Variants in TMEM117 observed in about 807,000 individuals in gnomAD.
TMEM117 encodes transmembrane protein 117.
In TMEM117, 27 loss-of-function variants were observed where a neutral mutation model predicts 52.4. The observed-to-expected ratio is 0.51, with a 90% CI of 0.38 to 0.71. The LOEUF (loss-of-function observed/expected upper bound fraction) is 0.71, where lower values mean the gene tolerates loss of function less well. Ranked by LOEUF, TMEM117 falls within the 30% of genes least tolerant of loss-of-function variation. The probability of loss-of-function intolerance (pLI) is 0.00; values close to 1 mark genes in which losing one functional copy is unlikely to be tolerated. For missense variants in TMEM117, 556 were observed against 630.5 expected (o/e 0.88, Z 1.26); for synonymous variants, 215 against 206.3 (o/e 1.04, Z -0.36).
At chr12:44,037,705 T>A (rs1946732640) in intron 3 of TMEM117, among the ~76,000 whole-genome samples, 1 of 152,082 alleles carries the variant, frequency 6.6e-6, no homozygotes, top group African/African-American at 2.4e-5. Context: ...AACTCTGAAC[T>A]CAGCCAGACT....
intron 3 of TMEM117, among the ~76,000 whole-genome samples, chr12:44,035,130 T>C (rs535406471): frequency 4.9e-4 from 75 of 152,324 alleles, no homozygotes; most frequent in African/African-American, 1.8e-3. Context: ...GTGGGACTTC[T>C]CAGGCTTCAT....
chr12:44,303,113 G>A (rs139355051), intron 6 of TMEM117, among the ~76,000 whole-genome samples: 7,129 of 151,608 alleles, frequency 0.047, 346 homozygotes, highest in African/African-American at 0.12. Context: ...GCGTGATCTC[G>A]GCTCACTGCA....
chr12:44,311,156 C>T (rs1375941207), intron 6 of TMEM117, among the ~76,000 whole-genome samples: 2 of 150,754 alleles, frequency 1.3e-5, no homozygotes, highest in Non-Finnish European at 2.9e-5. Flanking sequence ...ATTCTGGATA[C>T]ATTTTTCTCA....
At chr12:44,384,632 G>T (rs945368825) in intron 7 of TMEM117, among the ~76,000 whole-genome samples, 1 of 152,116 alleles carries the variant, frequency 6.6e-6, no homozygotes, top group Admixed American at 6.5e-5. Context: ...AGTCCTCTTG[G>T]ATAACTGGTC....
At chr12:44,147,706 G>A (rs1380803591) in intron 4 of TMEM117, among the ~76,000 whole-genome samples, 1 of 152,000 alleles carries the variant, frequency 6.6e-6, no homozygotes. Flanking sequence ...AGGCTGAGAC[G>A]GGTGGATCAC....
At chr12:44,376,440 A>C (rs532425815) in intron 6 of TMEM117, 155 bp from the exon 7 acceptor site, 1 of 871,294 alleles carries the variant, frequency 1.1e-6, no homozygotes, top group Non-Finnish European at 1.9e-6. Context: ...CCTAATGTAC[A>C]TAAAATAACC....
At chr12:44,224,925 T>C (rs1949841505) in intron 5 of TMEM117, among the ~76,000 whole-genome samples, 1 of 152,026 alleles carries the variant, frequency 6.6e-6, no homozygotes. Context: ...AAGCCTGGGG[T>C]AGAGAGACCA....
intron 5 of TMEM117, among the ~76,000 whole-genome samples, chr12:44,219,381 A>C (rs901554148): frequency 1.3e-5 from 2 of 152,192 alleles, no homozygotes; most frequent in African/African-American, 2.4e-5. Flanking sequence ...TTGAGATAAC[A>C]ACTCTTTTAA....
chr12:44,031,355 T>G (rs936380882), intron 3 of TMEM117, among the ~76,000 whole-genome samples: 1 of 152,232 alleles, frequency 6.6e-6, no homozygotes, highest in Non-Finnish European at 1.5e-5. Context: ...TAGAATGTTT[T>G]GCCATCCACA....
At chr12:44,243,523 A>G (rs552970335) in intron 5 of TMEM117, among the ~76,000 whole-genome samples, 1 of 152,060 alleles carries the variant, frequency 6.6e-6, no homozygotes, top group East Asian at 1.9e-4. Context: ...AATTATATAT[A>G]TTTATGAGGT....
intron 2 of TMEM117, among the ~76,000 whole-genome samples, chr12:43,881,790 CA>C (rs58734580): frequency 4.5e-4 from 19 of 42,022 alleles, no homozygotes; most frequent in East Asian, 2.4e-3. Context: ...ACTCTTGTCT[CA>C]AAAAAAAAAA....
intron 4 of TMEM117, among the ~76,000 whole-genome samples, chr12:44,147,938 A>G (rs918278421): frequency 1.3e-5 from 2 of 150,594 alleles, no homozygotes; most frequent in African/African-American, 4.8e-5. Flanking sequence ...TCTCAAAAAA[A>G]AAAAAAAAAA....
At chr12:44,184,890 A>T (rs536618699) in intron 4 of TMEM117, among the ~76,000 whole-genome samples, 4 of 152,290 alleles carry the variant, frequency 2.6e-5, no homozygotes, top group African/African-American at 7.2e-5. Context: ...GCAATCTCAA[A>T]CATATGTAAG....
intron 4 of TMEM117, among the ~76,000 whole-genome samples, chr12:44,162,874 T>C (rs1042852159): frequency 1.3e-5 from 2 of 152,212 alleles, no homozygotes; most frequent in Middle Eastern, 3.2e-3. Context: ...AAAAATAGCC[T>C]TTTCAAGTGA....
At chr12:44,369,963 C>T (rs1951839777) in intron 6 of TMEM117, among the ~76,000 whole-genome samples, 1 of 152,140 alleles carries the variant, frequency 6.6e-6, no homozygotes, top group South Asian at 2.1e-4. Context: ...TAGGAAGTAA[C>T]CTCCTGCAAT....
intron 2 of TMEM117, among the ~76,000 whole-genome samples, chr12:43,873,092 A>C (rs927470809): frequency 1.3e-5 from 2 of 152,212 alleles, no homozygotes; most frequent in Non-Finnish European, 2.9e-5. Flanking sequence ...ATGCTTGAGG[A>C]GAGACAGAGG....
At chr12:44,106,389 A>G (rs533896491) in intron 3 of TMEM117, among the ~76,000 whole-genome samples, 1 of 152,188 alleles carries the variant, frequency 6.6e-6, no homozygotes, top group Non-Finnish European at 1.5e-5. Flanking sequence ...CTAAAATTTA[A>G]AAAAATTGAA....
intron 2 of TMEM117, among the ~76,000 whole-genome samples, chr12:43,933,715 A>G (rs576343582): frequency 2.2e-4 from 33 of 151,412 alleles, no homozygotes; most frequent in Admixed American, 1.7e-3. Context: ...GGCGCGTGCC[A>G]CCACACCCAG....
chr12:44,057,970 G>T (rs924657908), intron 3 of TMEM117, among the ~76,000 whole-genome samples: 1 of 152,166 alleles, frequency 6.6e-6, no homozygotes, highest in Non-Finnish European at 1.5e-5. Flanking sequence ...GATTTCACCA[G>T]TTTTCCCAAT....
Sources: gnomAD v4.1 joint callset for allele counts (sites outside exome capture counted in the v4.1 genomes callset) on GRCh38, gnomAD v4.1.1 for gene constraint, MANE v1.5 for transcripts, NCBI Gene and HGNC (gene_info 2026-07-23, HGNC 2026-07-21) for gene names.